The following KCNN1 variants were observed in gnomAD, a reference collection of about 807,000 sequenced individuals.
KCNN1 encodes the protein small conductance calcium-activated potassium channel protein 1.
In KCNN1, 20 loss-of-function variants were observed where a neutral mutation model predicts 44.7. That is an observed-to-expected ratio of 0.45 (90% CI 0.32 to 0.65). The LOEUF (loss-of-function observed/expected upper bound fraction) is 0.65, where lower values mean the gene tolerates loss of function less well. Ranked by LOEUF, KCNN1 falls within the 30% of genes least tolerant of loss-of-function variation. KCNN1 has a pLI of 0.05. For synonymous variants in KCNN1, 324 were observed against 341.7 expected, an observed-to-expected ratio of 0.95 and a Z score of 0.57; for missense variants, 632 against 785.3, an observed-to-expected ratio of 0.80 and a Z score of 2.33.
chr19:17,998,059 T>G lies in KCNN1; in HGVS notation c.1378-93T>G. 1.9e-5 allele frequency: 26 copies of G among 1,388,934 alleles called. No individual in the cohort carries two copies. Among genetic ancestry groups the G allele is most frequent in the Non-Finnish European group, 2.3e-5 (24 of 1,049,112 alleles). 86.0% of individuals were successfully genotyped at this position (1,388,934 alleles called of 1,614,324 possible). A position where few individuals can be genotyped will look rare whatever the true frequency, so the allele number is the denominator to read the frequency against. On this transcript the variant is annotated intron_variant, in intron 9 of 9. Transcript: ENST00000684775. The surrounding 1 kb of genome is among the most constrained non-coding windows in gnomAD (Gnocchi z 5.4). ...GTGGCTGGCACCCACCTGGAGCGTG[T>G]GGGCTGTCCCTCTCTGTCATTGGTG...
rs1313173340 is a variant in KCNN1, at chr19:17,999,150, C to T, written c.*744C>T. 6.6e-6 allele frequency: 1 copy of T among 152,348 alleles called. No individual in the cohort carries two copies. Among genetic ancestry groups the T allele is most frequent in the Non-Finnish European group, 1.5e-5 (1 of 68,104 alleles). 9.4% of individuals were successfully genotyped at this position (152,348 alleles called of 1,614,324 possible). A position where few individuals can be genotyped will look rare whatever the true frequency, so the allele number is the denominator to read the frequency against. ...CACTGATTCCTCATCAGAACTTGAC[C>T]ATGGTGGGATGGGGGGGAAACTGAG... On this transcript the variant is annotated 3_prime_UTR_variant, in exon 10 of 10. Transcript: ENST00000684775.
intron 7 of KCNN1, chr19:17,990,187 T>C (rs1445025345): frequency 4.5e-6 from 2 of 446,318 alleles, no homozygotes; most frequent in South Asian, 1.7e-5. Context: ...TGGGATCATG[T>C]AGGATAACTA....
At chr19:17,958,603 A>C (rs2031600213) in intron 2 of KCNN1, among the ~76,000 whole-genome samples, 2 of 150,428 alleles carry the variant, frequency 1.3e-5, no homozygotes, top group Non-Finnish European at 2.9e-5. Context: ...CTCGTGCCTT[A>C]ACCTCCTGGG....
chr19:17,989,147 C>A (rs1424535395), intron 6 of KCNN1, among the ~76,000 whole-genome samples: 1 of 152,176 alleles, frequency 6.6e-6, no homozygotes, highest in Non-Finnish European at 1.5e-5. Context: ...AAAACACATG[C>A]CGATTCACTG....
In KCNN1 at chr19:17,993,653, G is replaced by T; in HGVS notation, c.1377+94G>T. On this transcript the variant is annotated intron_variant, in intron 9 of 9. Transcript: ENST00000684775. This position sits in a 1 kb window ranked among gnomAD's most constrained non-coding sequence, Gnocchi z 4.5. The stretch of plus-strand genomic sequence containing the variant: ...AGCTCCTGCCGGAGGAGGGCACAAG[G>T]ACCCGCTGTGGGCTGAGTGCAGTGG... 9.9e-7 allele frequency: 1 copy of T among 1,012,792 alleles called. No homozygotes were observed. The highest frequency in any genetic ancestry group is 1.6e-6 in the Non-Finnish European group (1 of 642,474). The allele number at this position is 1,012,792 out of a possible 1,614,324, so 62.7% of individuals were successfully genotyped here.
chr19:17,985,053 G>A (rs2032549108), intron 4 of KCNN1, among the ~76,000 whole-genome samples: 1 of 152,180 alleles, frequency 6.6e-6, no homozygotes, highest in African/African-American at 2.4e-5. Flanking sequence ...CGTTGGGAGG[G>A]GGATTGTATG....
At chr19:17,967,573 G>A (rs1568447696) in intron 1 of KCNN1, among the ~76,000 whole-genome samples, 1 of 151,794 alleles carries the variant, frequency 6.6e-6, no homozygotes. Flanking sequence ...GGGGAGGGCA[G>A]AGCTGTGAGT....
chr19:17,978,809 C>T (rs2032297878), intron 3 of KCNN1, among the ~76,000 whole-genome samples: 1 of 149,868 alleles, frequency 6.7e-6, no homozygotes, highest in African/African-American at 2.4e-5. Context: ...AATCCCAATA[C>T]TTTGGAAGGC....
At chr19:17,979,038 G>T (rs1252356254) in intron 3 of KCNN1, among the ~76,000 whole-genome samples, 1 of 150,902 alleles carries the variant, frequency 6.6e-6, no homozygotes. Context: ...ACCAGCCTGG[G>T]GGACAGAATG....
chr19:17,990,475 T>G (rs1371993245), intron 7 of KCNN1, among the ~76,000 whole-genome samples: 3 of 144,958 alleles, frequency 2.1e-5, no homozygotes, highest in African/African-American at 7.7e-5. Flanking sequence ...AAGTGAGACC[T>G]TGTCTCAAAA....
At chr19:17,982,884 A>C (rs2032466800) in intron 4 of KCNN1, among the ~76,000 whole-genome samples, 2 of 151,930 alleles carry the variant, frequency 1.3e-5, no homozygotes, top group Admixed American at 6.6e-5. Flanking sequence ...ACTTAAATGG[A>C]TCTGGGGTGG....
chr19:17,962,667 C>A (rs1027521618), upstream of KCNN1, among the ~76,000 whole-genome samples: 2 of 152,034 alleles, frequency 1.3e-5, no homozygotes, highest in African/African-American at 4.8e-5. Context: ...CCTGCCCCTG[C>A]AGTTCCCAGG....
Position 17,993,102 on chromosome 19 carries a change from G to A in KCNN1, c.1307+40G>A, listed in dbSNP as rs191833424. Reference sequence around the variant, plus strand: ...AGGGGCTTGGTGGGGCTGGGAAATCGGGGGTGCATGGTGGTCACAGACAGG... The same window carrying A: ...AGGGGCTTGGTGGGGCTGGGAAATCAGGGGTGCATGGTGGTCACAGACAGG... On this transcript the variant is annotated intron_variant, in intron 8 of 9. Transcript: ENST00000684775. This position sits in a 1 kb window ranked among gnomAD's most constrained non-coding sequence, Gnocchi z 4.5. 83 of 1,612,732 alleles carry A rather than the reference G, an allele frequency of 5.1e-5. No individual in the cohort carries two copies. The highest frequency in any genetic ancestry group is 4.6e-4 in the South Asian group (42 of 90,896).
Position 17,998,436 on chromosome 19 carries a change from C to A in KCNN1, c.*30C>A. ...CCTGCCCGCCACCAGACCCCTAAAT[C>A]TTGGCCATCGTGTGGCCGCCACCTC... On this transcript the variant is annotated 3_prime_UTR_variant, in exon 10 of 10. Transcript: ENST00000684775. The surrounding 1 kb of genome is among the most constrained non-coding windows in gnomAD (Gnocchi z 5.4). 6.9e-7 allele frequency: 1 copy of A among 1,458,170 alleles called. No homozygotes were observed. The highest frequency in any genetic ancestry group is 9.0e-7 in the Non-Finnish European group (1 of 1,111,918). The allele number at this position is 1,458,170 out of a possible 1,614,324, so 90.3% of individuals were successfully genotyped here.
At chr19:17,951,717 G>C (rs1053796948) in intron 1 of KCNN1, among the ~76,000 whole-genome samples, 1 of 152,202 alleles carries the variant, frequency 6.6e-6, no homozygotes, top group Non-Finnish European at 1.5e-5. Context: ...TCCTAGCTGG[G>C]ACCTTCCAGC....
chr19:17,996,986 T>G (rs2033018479), intron 9 of KCNN1, among the ~76,000 whole-genome samples: 3 of 152,190 alleles, frequency 2.0e-5, no homozygotes, highest in South Asian at 4.1e-4. Flanking sequence ...CTGACCCAGC[T>G]GCGCTCAGAG....
intron 4 of KCNN1, among the ~76,000 whole-genome samples, chr19:17,984,782 T>G (rs550567239): frequency 3.3e-5 from 5 of 152,188 alleles, no homozygotes; most frequent in Admixed American, 6.5e-5. Flanking sequence ...TGCCCCTCTC[T>G]TCCCAACCCC....
chr19:17,990,041 G>A (rs757962932), intron 7 of KCNN1, 198 bp downstream of exon 7: 16 of 726,750 alleles, frequency 2.2e-5, no homozygotes, highest in African/African-American at 3.5e-5. Flanking sequence ...TCATGGACAC[G>A]ACTCAGTAAG....
At chr19:17,964,502 G>C (rs1289126354), upstream of KCNN1, among the ~76,000 whole-genome samples, 1 of 152,264 alleles carries the variant, frequency 6.6e-6, no homozygotes, top group Admixed American at 6.5e-5. This position sits in a 1 kb window ranked among gnomAD's most constrained non-coding sequence, Gnocchi z 4.3. Flanking sequence ...GACACAGCCT[G>C]TGCGCAAGGC....
Sources: allele counts gnomAD v4.1 joint callset (sites outside exome capture counted in the v4.1 genomes callset), GRCh38; gene constraint gnomAD v4.1.1; non-coding constraint Gnocchi (gnomAD v3.1); transcripts MANE v1.5; gene names NCBI Gene and HGNC (gene_info 2026-07-23, HGNC 2026-07-21).